KCNK9: variants seen among roughly 807,000 people sequenced by gnomAD.
KCNK9 encodes the protein potassium two pore domain channel subfamily K member 9.
KCNK9 carries 1 observed loss-of-function variant against 10.8 expected under a neutral mutation model. The ratio of observed to expected loss-of-function variants is 0.09; its 90% confidence interval spans 0.03 to 0.44. KCNK9 has a LOEUF of 0.44. Ranked by LOEUF, KCNK9 falls within the 20% of genes least tolerant of loss-of-function variation. The pLI is 0.97. For missense variants in KCNK9, 303 were observed against 515.0 expected, an observed-to-expected ratio of 0.59 and a Z score of 3.98; for synonymous variants, 231 against 222.7, an observed-to-expected ratio of 1.04 and a Z score of -0.33.
At position 139,636,557 on chromosome 8, in the gene KCNK9, CAAAACTTTAGCCAACTTCCAGAAG is replaced by C. The variant is rs367974421; in HGVS notation, c.284-17482_284-17459del. Among the ~76,000 whole-genome samples the C allele has an allele frequency of 3.2e-3, 494 of 152,334 alleles. 3 individuals are homozygous for C. Among genetic ancestry groups the C allele is most frequent in the African/African-American group, 0.01 (423 of 41,566 alleles). The stretch of plus-strand genomic sequence containing the variant: ...ATGCTAAAAGTGCTTTCTGAGGTCA[CAAAACTTTAGCCAACTTCCAGAAG>C]AAAACTTTAGCCAACTTCCAGAAGG... On this transcript the variant is annotated intron_variant, in intron 1 of 1. Coordinates refer to ENST00000520439, the MANE Select transcript of KCNK9 (RefSeq NM_001282534.2).
intron 1 of KCNK9, among the ~76,000 whole-genome samples, chr8:139,696,589 C>T (rs571325308): frequency 2.6e-5 from 4 of 152,072 alleles, no homozygotes; most frequent in Admixed American, 2.0e-4. Context: ...GGCAGAAATC[C>T]GTCCAATAAG....
At chr8:139,674,674 C>T (rs1055530288) in intron 1 of KCNK9, among the ~76,000 whole-genome samples, 4 of 152,200 alleles carry the variant, frequency 2.6e-5, no homozygotes. Flanking sequence ...CAGACGGTCT[C>T]TCCCCTCTTC....
At position 139,635,743 on chromosome 8, in the gene KCNK9, A is replaced by C. The variant is rs567899590; in HGVS notation, c.284-16644T>G. On this transcript the variant is annotated intron_variant, in intron 1 of 1. Transcript: ENST00000520439. ...AAAGAAAGCTAAAGAAGCAGGGGAA[A>C]AAAAATCACCCACAACCCCCCCACT... Among the ~76,000 whole-genome samples, 242 of 152,288 alleles carry C rather than the reference A, an allele frequency of 1.6e-3. 2 individuals are homozygous for C. Among genetic ancestry groups the C allele is most frequent in the African/African-American group, 5.4e-3 (225 of 41,562 alleles).
intron 1 of KCNK9, among the ~76,000 whole-genome samples, chr8:139,700,481 CACAT>C (rs1238056765): frequency 2.1e-5 from 3 of 142,286 alleles, no homozygotes; most frequent in Non-Finnish European, 4.4e-5. Flanking sequence ...TATTCACATA[CACAT>C]ACACACACAC....
At chr8:139,659,915 T>C (rs142847083) in intron 1 of KCNK9, among the ~76,000 whole-genome samples, 1 of 152,178 alleles carries the variant, frequency 6.6e-6, no homozygotes, top group Non-Finnish European at 1.5e-5. Context: ...TATTTGTGTG[T>C]ATACCAGAAA....
chr8:139,639,754 TG>T (rs1300224419), intron 1 of KCNK9, among the ~76,000 whole-genome samples: 2 of 152,298 alleles, frequency 1.3e-5, no homozygotes, highest in East Asian at 1.9e-4. Context: ...TCAGACTTCA[TG>T]GCAGGGACCA....
At chr8:139,604,200 A>G (rs1461845085) in intron 2 of KCNK9, among the ~76,000 whole-genome samples, 3 of 152,160 alleles carry the variant, frequency 2.0e-5, no homozygotes, top group African/African-American at 4.8e-5. Flanking sequence ...CTGAAGGACT[A>G]TTGTCTGCAG....
At chr8:139,667,326 T>C (rs1217675665) in intron 1 of KCNK9, among the ~76,000 whole-genome samples, 1 of 151,240 alleles carries the variant, frequency 6.6e-6, no homozygotes, top group East Asian at 1.9e-4. Context: ...TAGCAGGTGT[T>C]TGTGACCCTG....
chr8:139,702,681 G>C lies in KCNK9; in HGVS notation c.283+29C>G. On this transcript the variant is annotated intron_variant, in intron 1 of 1. Coordinates refer to ENST00000520439, the MANE Select transcript of KCNK9 (RefSeq NM_001282534.2). This position sits in a 1 kb window ranked among gnomAD's most constrained non-coding sequence, Gnocchi z 7.5. ...CCTCCCCGGACTCCTCCCGGGGCGCGGGAGCCCAGCGGCGCGCCCAGCCCT... is the reference window on the plus strand; with the variant it reads ...CCTCCCCGGACTCCTCCCGGGGCGCCGGAGCCCAGCGGCGCGCCCAGCCCT... 6.3e-7 allele frequency: 1 copy of C among 1,587,852 alleles called. No individual in the cohort carries two copies.
chr8:139,655,828 G>T (rs1405449472), intron 1 of KCNK9, among the ~76,000 whole-genome samples: 1 of 152,180 alleles, frequency 6.6e-6, no homozygotes, highest in Non-Finnish European at 1.5e-5. Context: ...TTTCCTGGGG[G>T]AGAAGACAGG....
intron 1 of KCNK9, among the ~76,000 whole-genome samples, chr8:139,688,869 T>G (rs1162259617): frequency 6.6e-6 from 1 of 152,208 alleles, no homozygotes. Context: ...TGATCTCGCT[T>G]AATCCTCACA....
At chr8:139,615,759 C>T (rs1424044972), downstream of KCNK9, 4 of 151,994 alleles carry the variant, frequency 2.6e-5, no homozygotes, top group Non-Finnish European at 4.4e-5. Context: ...AATCCTTAAT[C>T]CTGTAGAAGA....
intron 1 of KCNK9, among the ~76,000 whole-genome samples, chr8:139,675,205 C>T (rs956472466): frequency 6.6e-6 from 1 of 152,166 alleles, no homozygotes; most frequent in African/African-American, 2.4e-5. Flanking sequence ...TGGCAACATT[C>T]GGGACATGGG....
At chr8:139,654,431 C>T (rs1266394476) in intron 1 of KCNK9, among the ~76,000 whole-genome samples, 1 of 152,190 alleles carries the variant, frequency 6.6e-6, no homozygotes, top group East Asian at 1.9e-4. Context: ...CCTGCCCGCT[C>T]AGGCCCTGGT....
At chr8:139,687,380 A>G (rs1417060232) in intron 1 of KCNK9, among the ~76,000 whole-genome samples, 1 of 131,232 alleles carries the variant, frequency 7.6e-6, no homozygotes, top group Non-Finnish European at 1.6e-5. Flanking sequence ...GTATACATAT[A>G]TATGAATATA....
Position 139,618,457 on chromosome 8 carries a change from C to A in KCNK9, c.926G>T (p.Gly309Val). 9 of 1,614,080 alleles carry A rather than the reference C, an allele frequency of 5.6e-6. No homozygotes were observed. The highest frequency in any genetic ancestry group is 7.6e-6 in the Non-Finnish European group (9 of 1,180,038). The change falls in exon 2 of 2, where the codon GGC becomes GTC. Residue 309 changes from glycine to valine, a missense_variant. Around this residue, in one of 5 missense-constraint regions of KCNK9, gnomAD observed 138 missense variants for 161.1 expected, o/e 0.86. Coordinates refer to ENST00000520439, the MANE Select transcript of KCNK9 (RefSeq NM_001282534.2). This position sits in a 1 kb window ranked among gnomAD's most constrained non-coding sequence, Gnocchi z 7.9. ...CTCYRSQDYG[G>V]RSVAPQNSFS... is the part of the protein sequence containing the mutation. ...GGAGTTCTGCGGTGCCACCGAGCGG[C>A]CGCCATAGTCCTGCGAGCGGTAGCA...
intron 1 of KCNK9, among the ~76,000 whole-genome samples, chr8:139,642,312 A>T (rs2129648028): frequency 6.6e-6 from 1 of 152,326 alleles, no homozygotes; most frequent in East Asian, 1.9e-4. Flanking sequence ...CTGGGACCAG[A>T]GGTCGTTGCA....
At chr8:139,681,518 C>G (rs1816687119) in intron 1 of KCNK9, among the ~76,000 whole-genome samples, 2 of 152,232 alleles carry the variant, frequency 1.3e-5, no homozygotes, top group Admixed American at 1.3e-4. Context: ...GTCCACACAT[C>G]TCCTTACTTT....
At chr8:139,654,372 G>A (rs1331475886) in intron 1 of KCNK9, among the ~76,000 whole-genome samples, 1 of 152,166 alleles carries the variant, frequency 6.6e-6, no homozygotes, top group South Asian at 2.1e-4. Flanking sequence ...CTCGGAGCGC[G>A]GCCAGACCCT....
Sources: gnomAD v4.1 joint callset for allele counts (sites outside exome capture counted in the v4.1 genomes callset) on GRCh38, gnomAD v4.1.1 for gene constraint, gnomAD v4.1.1 regional missense constraint, Gnocchi (gnomAD v3.1) non-coding constraint, MANE v1.5 for transcripts, NCBI Gene and HGNC (gene_info 2026-07-23, HGNC 2026-07-21) for gene names.